Variants in ASIC2 observed in about 807,000 individuals in gnomAD.
The protein encoded by ASIC2 is acid-sensing ion channel 2.
In ASIC2, 25 loss-of-function variants were observed where a neutral mutation model predicts 57.3. The ratio of observed to expected loss-of-function variants is 0.44; its 90% CI spans 0.32 to 0.61. ASIC2 has a LOEUF of 0.61. Ranked by LOEUF, ASIC2 falls within the 20% of genes least tolerant of loss-of-function variation. The probability of loss-of-function intolerance (pLI) is 0.06; values close to 1 mark genes in which losing one functional copy is unlikely to be tolerated. For missense variants in ASIC2, 641 were observed against 738.1 expected (o/e 0.87, Z 1.52); for synonymous variants, 319 against 307.5 (o/e 1.04, Z -0.39).
At chr17:33,631,970 A>G (rs1227654334) in intron 1 of ASIC2, among the ~76,000 whole-genome samples, 1 of 152,162 alleles carries the variant, frequency 6.6e-6, no homozygotes, top group Non-Finnish European at 1.5e-5. Flanking sequence ...AAGTGGTTGT[A>G]TTATTGGTTC....
intron 1 of ASIC2, among the ~76,000 whole-genome samples, chr17:33,366,731 A>AT (rs1478049151): frequency 6.6e-6 from 1 of 152,204 alleles, no homozygotes; most frequent in Non-Finnish European, 1.5e-5. Flanking sequence ...ATAGTCAATG[A>AT]TTTTTTGAGT....
intron 1 of ASIC2, among the ~76,000 whole-genome samples, chr17:33,983,641 G>A (rs1228428285): frequency 2.0e-5 from 3 of 152,170 alleles, no homozygotes; most frequent in African/African-American, 4.8e-5. Flanking sequence ...GAAGTTAGGC[G>A]TGCAAATTCG....
chr17:33,876,905 C>T (rs446520), intron 1 of ASIC2, among the ~76,000 whole-genome samples: 41,288 of 152,072 alleles, frequency 0.27, 5,816 homozygotes, highest in Middle Eastern at 0.36. Context: ...GAGTTTGGCA[C>T]GCGTTCAGGT....
chr17:33,980,049 A>G (rs193264858), intron 1 of ASIC2, among the ~76,000 whole-genome samples: 2 of 152,256 alleles, frequency 1.3e-5, no homozygotes, highest in African/African-American at 4.8e-5. Flanking sequence ...AGCCTTGTAG[A>G]TTCTCAGACA....
At position 33,153,914 on chromosome 17, in the gene ASIC2, C is replaced by T. The variant is rs566352864; in HGVS notation, c.709-41847G>A. ...AGGGCCACTGAGATCCGAGCTCCTG[C>T]GGGTTTGGCAAGGTTTCCTGTTGGG... On this transcript the variant is annotated intron_variant, in intron 1 of 9. Transcript: ENST00000225823. Among the ~76,000 whole-genome samples, 316 of 152,280 alleles carry T rather than the reference C, an allele frequency of 2.1e-3. 2 individuals carry two copies. The highest frequency in any genetic ancestry group is 7.1e-3 in the African/African-American group (295 of 41,550).
intron 1 of ASIC2, among the ~76,000 whole-genome samples, chr17:33,539,076 G>A (rs117148745): frequency 1.1e-4 from 16 of 152,272 alleles, no homozygotes; most frequent in Non-Finnish European, 2.2e-4. Flanking sequence ...GATGAGCCAC[G>A]TGGCCTTAGG....
intron 1 of ASIC2, among the ~76,000 whole-genome samples, chr17:33,490,590 T>C (rs1913721969): frequency 6.6e-6 from 1 of 152,088 alleles, no homozygotes; most frequent in Non-Finnish European, 1.5e-5. Context: ...TAAAGCGGGG[T>C]CTCCTGCATA....
chr17:33,689,066 G>C (rs1156761862), intron 1 of ASIC2: 2 of 152,220 alleles, frequency 1.3e-5, no homozygotes, highest in Non-Finnish European at 2.9e-5. Flanking sequence ...TTGATGAAGA[G>C]AGTGATCTCA....
chr17:33,937,425 C>CTT (rs111454004), intron 1 of ASIC2, among the ~76,000 whole-genome samples: 3 of 147,652 alleles, frequency 2.0e-5, no homozygotes, highest in Admixed American at 1.3e-4. Flanking sequence ...AATCAGAGCT[C>CTT]TTTTTTTTTT....
intron 1 of ASIC2, among the ~76,000 whole-genome samples, chr17:33,924,248 G>T (rs1191367828): frequency 6.6e-6 from 1 of 152,212 alleles, no homozygotes; most frequent in Non-Finnish European, 1.5e-5. Flanking sequence ...AGCCCAGCGT[G>T]CTCCTCCTGG....
chr17:33,465,364 T>C (rs935601724), intron 1 of ASIC2, among the ~76,000 whole-genome samples: 1 of 133,838 alleles, frequency 7.5e-6, no homozygotes, highest in Non-Finnish European at 1.5e-5. Flanking sequence ...GGCCTTTTTT[T>C]TCTTTTTCTT....
At chr17:33,336,448 AT>A (rs1907516899) in intron 1 of ASIC2, among the ~76,000 whole-genome samples, 1 of 152,022 alleles carries the variant, frequency 6.6e-6, no homozygotes, top group South Asian at 2.1e-4. Context: ...CACCCCTGAA[AT>A]TTTGCGTCTG....
intron 1 of ASIC2, among the ~76,000 whole-genome samples, chr17:33,529,130 C>G (rs1029321663): frequency 3.9e-5 from 6 of 152,204 alleles, no homozygotes; most frequent in Admixed American, 1.3e-4. Flanking sequence ...GGGGAGTGAA[C>G]TTTGGGGACA....
chr17:33,644,659 A>T (rs11659125), intron 1 of ASIC2, among the ~76,000 whole-genome samples: 7,086 of 152,348 alleles, frequency 0.047, 195 homozygotes, highest in South Asian at 0.12. Flanking sequence ...TTCAAAATGG[A>T]TAAGGTATGT....
rs555353727 is a variant in ASIC2 at position 33,817,165 on chromosome 17, T to C, written c.555+338813A>G. Among the ~76,000 whole-genome samples the C allele has an allele frequency of 2.1e-4, 32 of 152,326 alleles. No individual in the cohort carries two copies. In the South Asian group the frequency reaches 2.3e-3, roughly 11 times the overall value. ...GGCATCCGGATTCTTCGACGTTCTC[T>C]AGGTGGTGTGGGCAGCTGGGGTTGA... On this transcript the variant is annotated intron_variant, in intron 1 of 9. Transcript: ENST00000359872.
chr17:33,954,820 C>T (rs1231294956), intron 1 of ASIC2, among the ~76,000 whole-genome samples: 3 of 152,214 alleles, frequency 2.0e-5, no homozygotes, highest in Non-Finnish European at 4.4e-5. Context: ...GTTTCCCTGA[C>T]ATGCAGCCCG....
chr17:34,037,886 T>G (rs956312610), intron 1 of ASIC2: 2 of 1,613,882 alleles, frequency 1.2e-6, no homozygotes, highest in Admixed American at 1.7e-5. Context: ...TTGCTGAGAC[T>G]GGTTATGGCC....
At chr17:33,562,432 A>G (rs911060818) in intron 1 of ASIC2, among the ~76,000 whole-genome samples, 2 of 152,164 alleles carry the variant, frequency 1.3e-5, no homozygotes, top group African/African-American at 4.8e-5. Context: ...TGCCATTCCC[A>G]TTCCTAATCA....
chr17:33,826,268 C>T (rs898416900), intron 1 of ASIC2, among the ~76,000 whole-genome samples: 3 of 152,234 alleles, frequency 2.0e-5, no homozygotes, highest in African/African-American at 7.2e-5. Flanking sequence ...CTTACGTAAG[C>T]ATAGTTCCTC....
Sources: gnomAD v4.1 joint callset for allele counts (sites outside exome capture counted in the v4.1 genomes callset) on GRCh38, gnomAD v4.1.1 for gene constraint, MANE v1.5 for transcripts, NCBI Gene and HGNC (gene_info 2026-07-23, HGNC 2026-07-21) for gene names.